Variants in ITM2B observed in about 807,000 individuals in gnomAD.
ITM2B encodes the protein ABri/ADan amyloid peptide.
ITM2B carries 11 observed loss-of-function variants against 27.8 expected under a neutral mutation model. The observed-to-expected ratio is 0.40, with a 90% CI of 0.25 to 0.66. The LOEUF (loss-of-function observed/expected upper bound fraction) is 0.66. ITM2B is among the 30% of genes least tolerant of loss of function. ITM2B has a pLI of 0.43. For synonymous variants in ITM2B, 114 were observed against 114.3 expected (o/e 1.00, Z 0.02); for missense variants, 296 against 328.9 (o/e 0.90, Z 0.77).
At position 48,264,808 on chromosome 13, in the gene ITM2B, A is replaced by G. The variant is rs184496808; in HGVS notation, c.*3584A>G. 4 of 152,308 alleles carry G rather than the reference A, an allele frequency of 2.6e-5. No individual in the cohort carries two copies. The highest frequency in any genetic ancestry group is 2.0e-4 in the Admixed American group (3 of 15,290). The allele number at this position is 152,308 out of a possible 1,614,324, so 9.4% of individuals were successfully genotyped here. A position where few individuals can be genotyped will look rare whatever the true frequency, so the allele number is the denominator to read the frequency against. On this transcript the variant is annotated 3_prime_UTR_variant, in exon 6 of 6. Transcript: ENST00000647800. ...TTTGTGGCTAATGCTTTTTTGAGGA[A>G]GAAGCATGATTTAGTCTCAGCTCTC...
intron 1 of ITM2B, among the ~76,000 whole-genome samples, chr13:48,251,835 T>G (rs879417390): frequency 6.6e-6 from 1 of 152,172 alleles, no homozygotes; most frequent in African/African-American, 2.4e-5. Context: ...TCCTTAGATA[T>G]TTATGTCAGA....
chr13:48,251,141 C>T (rs1368945883), intron 1 of ITM2B, among the ~76,000 whole-genome samples: 3 of 152,178 alleles, frequency 2.0e-5, no homozygotes, highest in Non-Finnish European at 2.9e-5. Flanking sequence ...AGCTTCTTGT[C>T]CATCATTTCT....
intron 1 of ITM2B, among the ~76,000 whole-genome samples, chr13:48,249,615 T>C (rs1475908494): frequency 1.3e-5 from 2 of 152,222 alleles, no homozygotes; most frequent in Admixed American, 1.3e-4. Flanking sequence ...ATTGTTTGTG[T>C]ACTTGCTGTA....
Position 48,253,488 on chromosome 13 carries a change from T to C in ITM2B, c.118-320T>C, listed in dbSNP as rs9332273. 5.0e-3 allele frequency among the ~76,000 whole-genome samples: 759 copies of C among 152,320 alleles called. 5 individuals carry two copies. Among genetic ancestry groups the C allele is most frequent in the Middle Eastern group, 0.01 (3 of 294 alleles). ...TAACCTCTTCTAAATTATTAAATTA[T>C]AGAATATATCACCAAAAGTTGTGCA... On this transcript the variant is annotated intron_variant, in intron 1 of 5. Transcript: ENST00000647800.
rs1951827870 is a variant in ITM2B, at chr13:48,262,384, C to T, written c.*1160C>T. 1 of 152,030 alleles carries T rather than the reference C, an allele frequency of 6.6e-6. No individual in the cohort carries two copies. Among genetic ancestry groups the T allele is most frequent in the Admixed American group, 6.6e-5 (1 of 15,246 alleles). 9.4% of individuals were successfully genotyped at this position (152,030 alleles called of 1,614,324 possible). The stretch of plus-strand genomic sequence containing the variant: ...AGGAGGTCAGAGTTTTTAAAGCTTC[C>T]AACTCTTAAAGGATTTAGTCTAGAA... On this transcript the variant is annotated 3_prime_UTR_variant, in exon 6 of 6. Coordinates refer to ENST00000647800, the MANE Select transcript of ITM2B (RefSeq NM_021999.5).
At chr13:48,237,313 C>T (rs1951673814) in intron 1 of ITM2B, among the ~76,000 whole-genome samples, 1 of 152,136 alleles carries the variant, frequency 6.6e-6, no homozygotes, top group Admixed American at 6.5e-5. Flanking sequence ...TTTTGGTTCT[C>T]CATGAGGATA....
At chr13:48,241,197 C>CA (rs1951698079) in intron 1 of ITM2B, among the ~76,000 whole-genome samples, 1 of 152,208 alleles carries the variant, frequency 6.6e-6, no homozygotes, top group Non-Finnish European at 1.5e-5. Flanking sequence ...CCATGTTTCT[C>CA]ACTTTTTGCC....
chr13:48,256,592 C>T (rs1282773603), intron 3 of ITM2B, among the ~76,000 whole-genome samples: 1 of 152,328 alleles, frequency 6.6e-6, no homozygotes. Flanking sequence ...CTTACCTACT[C>T]TTAAAGCCCA....
rs901057378 is a variant in ITM2B at position 48,262,761 on chromosome 13, C to T, written c.*1537C>T. On this transcript the variant is annotated 3_prime_UTR_variant, in exon 6 of 6. Coordinates refer to ENST00000647800, the MANE Select transcript of ITM2B (RefSeq NM_021999.5). ...GGACAGCAAACAACTCATTACAATA[C>T]ATTGGGATCAGTAGTGTGAGGGAGA... 2.0e-5 allele frequency: 3 copies of T among 152,162 alleles called. No individual in the cohort carries two copies. Among genetic ancestry groups the T allele is most frequent in the African/African-American group, 7.2e-5 (3 of 41,436 alleles). 9.4% of individuals were successfully genotyped at this position (152,162 alleles called of 1,614,324 possible).
chr13:48,243,986 A>G lies in ITM2B; in HGVS notation c.118-9822A>G, dbSNP rs1180359710. On this transcript the variant is annotated intron_variant, in intron 1 of 5. Transcript: ENST00000647800. ...TTGAGTCAGTTTCCTTAAGCAGCAC[A>G]TAGAGTCAAGATAATATTCAGACTT... is the stretch of plus-strand genomic sequence containing the variant. Among the ~76,000 whole-genome samples, 9 of 152,322 alleles carry G rather than the reference A, an allele frequency of 5.9e-5. No homozygotes were observed. In the East Asian group the frequency reaches 1.4e-3, roughly 23 times the overall value.
chr13:48,241,619 T>G lies in ITM2B; in HGVS notation c.117+8142T>G, dbSNP rs183951686. 2.8e-4 allele frequency among the ~76,000 whole-genome samples: 42 copies of G among 152,332 alleles called. No homozygotes were observed. The South Asian group carries it at 3.9e-3, about 14-fold the overall frequency. On this transcript the variant is annotated intron_variant, in intron 1 of 5. Coordinates refer to ENST00000647800, the MANE Select transcript of ITM2B (RefSeq NM_021999.5). ...AAAATTGTTCAGGATCCCAAAGAGC[T>G]TTTGCTTTATGTAGGTTATATATAT...
Position 48,269,472 on chromosome 13 carries a change from A to T in ITM2B, c.*8248A>T. 1 of 101,402 alleles carries T rather than the reference A, an allele frequency of 9.9e-6. No individual in the cohort carries two copies. The highest frequency in any genetic ancestry group is 3.2e-4 in the East Asian group (1 of 3,104). 6.3% of individuals were successfully genotyped at this position (101,402 alleles called of 1,614,324 possible). A position where few individuals can be genotyped will look rare whatever the true frequency, so the allele number is the denominator to read the frequency against. ...CTCAAATCCCAACATTTTATTCAGA[A>T]TAAAAGTCGAACAATGCCCTACCTG... On this transcript the variant is annotated 3_prime_UTR_variant, in exon 6 of 6. Transcript: ENST00000647800.
At chr13:48,261,026 G>A (rs9316371) in intron 5 of ITM2B, 113 bp from the exon 6 acceptor site, 21,673 of 723,960 alleles carry the variant, frequency 0.03, 879 homozygotes, top group African/African-American at 0.14. Context: ...AGAAGTTTTT[G>A]TGGAATATAG....
intron 2 of ITM2B, among the ~76,000 whole-genome samples, chr13:48,255,180 G>A (rs1334706230): frequency 2.0e-5 from 3 of 151,984 alleles, no homozygotes; most frequent in Non-Finnish European, 4.4e-5. Context: ...CTGGCCCTGT[G>A]CATTCACATT....
intron 1 of ITM2B, among the ~76,000 whole-genome samples, chr13:48,248,542 C>T (rs899555897): frequency 1.3e-5 from 2 of 151,910 alleles, no homozygotes; most frequent in Non-Finnish European, 2.9e-5. Context: ...TATTTCCTTA[C>T]ATATTCAAAA....
Position 48,258,954 on chromosome 13 carries a change from CT to C in ITM2B, c.715+12del. 1 of 1,605,956 alleles carries C rather than the reference CT, an allele frequency of 6.2e-7. No homozygotes were observed. The highest frequency in any genetic ancestry group is 1.3e-5 in the African/African-American group (1 of 74,688). On this transcript the variant is annotated splice_region_variant and intron_variant, in intron 5 of 5. Transcript: ENST00000647800. ...CGCAGAGAAACTATTAAAGGTAATA[CT>C]TTTTAAATATTAAAGTGTTGGGCAG...
At chr13:48,235,104 G>A (rs1593386687) in intron 1 of ITM2B, among the ~76,000 whole-genome samples, 1 of 152,276 alleles carries the variant, frequency 6.6e-6, no homozygotes, top group East Asian at 1.9e-4. Flanking sequence ...AGCATTGGAT[G>A]ATGTCACTTC....
intron 3 of ITM2B, among the ~76,000 whole-genome samples, chr13:48,257,584 T>G (rs992289562): frequency 1.3e-5 from 2 of 152,156 alleles, no homozygotes; most frequent in Non-Finnish European, 2.9e-5. Flanking sequence ...ATAATAATAG[T>G]TAACACTTAC....
At chr13:48,257,411 T>G (rs1951796117) in intron 3 of ITM2B, among the ~76,000 whole-genome samples, 1 of 152,216 alleles carries the variant, frequency 6.6e-6, no homozygotes, top group Admixed American at 6.5e-5. Context: ...TCACCTGTGA[T>G]TTTTATGTCT....
Sources: allele counts gnomAD v4.1 joint callset (sites outside exome capture counted in the v4.1 genomes callset), GRCh38; gene constraint gnomAD v4.1.1; transcripts MANE v1.5; gene names NCBI Gene and HGNC (gene_info 2026-07-23, HGNC 2026-07-21).